The following CACNA1D variants were observed in gnomAD, a reference collection of about 807,000 sequenced individuals.
CACNA1D encodes the protein voltage-dependent L-type calcium channel subunit alpha-1D.
CACNA1D carries 55 observed loss-of-function variants against 257.1 expected under a neutral mutation model. The observed-to-expected ratio is 0.21, with a 90% CI of 0.17 to 0.27. The LOEUF (loss-of-function observed/expected upper bound fraction) is 0.27, where lower values mean the gene tolerates loss of function less well. Ranked by LOEUF, CACNA1D falls within the 10% of genes least tolerant of loss-of-function variation. The probability of loss-of-function intolerance (pLI) is 1.00; values close to 1 mark genes in which losing one functional copy is unlikely to be tolerated. For missense variants in CACNA1D, 1,876 were observed against 2,784.0 expected (o/e 0.67, Z 7.34); for synonymous variants, 980 against 1,014.9 (o/e 0.97, Z 0.65).
intron 7 of CACNA1D, among the ~76,000 whole-genome samples, chr3:53,668,882 G>C (rs555901961): frequency 6.6e-6 from 1 of 152,072 alleles, no homozygotes; most frequent in Non-Finnish European, 1.5e-5. Context: ...GAAATATTTT[G>C]CTTTTGATTT....
chr3:53,760,995 A>G lies in CACNA1D; in HGVS notation c.3787-1003A>G, dbSNP rs573467954. Among the ~76,000 whole-genome samples the G allele has an allele frequency of 3.9e-5, 6 of 152,342 alleles. 1 individual carries two copies. The highest frequency in any genetic ancestry group is 6.8e-3 in the Middle Eastern group (2 of 294). ...TCAGCCATCAGTACGTAAGAGATTC[A>G]GCGTCAGCCTGAGGGAGTGCAGACA... On this transcript the variant is annotated intron_variant, in intron 29 of 47. Coordinates refer to ENST00000350061, the MANE Select transcript of CACNA1D (RefSeq NM_001128840.3).
chr3:53,800,634 G>A lies in CACNA1D; in HGVS notation c.5040+269G>A. 1 of 530,602 alleles carries A rather than the reference G, an allele frequency of 1.9e-6. No individual in the cohort carries two copies. The allele number at this position is 530,602 out of a possible 1,614,324, so 32.9% of individuals were successfully genotyped here. A position where few individuals can be genotyped will look rare whatever the true frequency, so the allele number is the denominator to read the frequency against. ...GAGCTCGGCCACAGCCGCTGGCCCT[G>A]TGGATGAGCATCCTGAGTCCTTCCG... On this transcript the variant is annotated intron_variant, in intron 41 of 47. Coordinates refer to ENST00000350061, the MANE Select transcript of CACNA1D (RefSeq NM_001128840.3). The surrounding 1 kb of genome is among the most constrained non-coding windows in gnomAD (Gnocchi z 4.3).
At chr3:53,781,469 T>A (rs1255280202) in intron 38 of CACNA1D, 97 bp from the exon 39 acceptor site, 26 of 808,132 alleles carry the variant, frequency 3.2e-5, no homozygotes, top group African/African-American at 5.0e-5. Context: ...GGGCAGCATG[T>A]TCATCCAGGT....
intron 3 of CACNA1D, among the ~76,000 whole-genome samples, chr3:53,510,610 C>T (rs994744481): frequency 8.5e-5 from 13 of 152,152 alleles, no homozygotes; most frequent in Admixed American, 5.2e-4. Context: ...AGGGTATGTG[C>T]GTTTTTAATA....
At chr3:53,666,259 C>A (rs1330525647) in intron 6 of CACNA1D, 80 bp from the exon 7 acceptor site, 2 of 1,364,622 alleles carry the variant, frequency 1.5e-6, no homozygotes, top group African/African-American at 1.4e-5. Flanking sequence ...CGGGCTCTGG[C>A]AAGGGTTCTC....
intron 3 of CACNA1D, among the ~76,000 whole-genome samples, chr3:53,532,109 T>G (rs1301041903): frequency 6.6e-6 from 1 of 152,202 alleles, no homozygotes; most frequent in Non-Finnish European, 1.5e-5. Context: ...GTATGCCTAT[T>G]TCTACTGAAT....
chr3:53,538,984 T>C (rs954320173), intron 3 of CACNA1D, among the ~76,000 whole-genome samples: 3 of 152,214 alleles, frequency 2.0e-5, no homozygotes, highest in African/African-American at 7.2e-5. Context: ...TCAGTGTTTA[T>C]GGTAATGACT....
At chr3:53,637,805 G>T (rs2093902764) in intron 3 of CACNA1D, among the ~76,000 whole-genome samples, 1 of 152,182 alleles carries the variant, frequency 6.6e-6, no homozygotes, top group South Asian at 2.1e-4. Flanking sequence ...CATTTCCATT[G>T]CAGGGCTGCA....
chr3:53,724,098 C>A, intron 14 of CACNA1D, 99 bp downstream of exon 14: 1 of 956,698 alleles, frequency 1.0e-6, no homozygotes, highest in South Asian at 1.3e-5. Context: ...AAAAGGACTC[C>A]ATTTTTGTTC....
intron 3 of CACNA1D, among the ~76,000 whole-genome samples, chr3:53,644,666 C>G (rs1458573151): frequency 1.3e-5 from 2 of 152,206 alleles, no homozygotes; most frequent in Non-Finnish European, 2.9e-5. Context: ...TTTTTAAAGG[C>G]TAAATAGTAT....
At chr3:53,725,401 C>T (rs1315706744) in intron 14 of CACNA1D, among the ~76,000 whole-genome samples, 1 of 152,194 alleles carries the variant, frequency 6.6e-6, no homozygotes, top group Non-Finnish European at 1.5e-5. Flanking sequence ...ATACACAGGG[C>T]TCCAGTAGGT....
At chr3:53,517,590 T>C (rs936812599) in intron 3 of CACNA1D, among the ~76,000 whole-genome samples, 2 of 151,956 alleles carry the variant, frequency 1.3e-5, no homozygotes, top group African/African-American at 4.8e-5. Flanking sequence ...TTCAAGCGAT[T>C]CTTCTGCCTC....
At chr3:53,719,076 C>G (rs532991990) in intron 10 of CACNA1D, among the ~76,000 whole-genome samples, 1 of 152,038 alleles carries the variant, frequency 6.6e-6, no homozygotes, top group African/African-American at 2.4e-5. Context: ...CACTGTCTGC[C>G]GTGGGGGAGC....
chr3:53,604,668 G>A (rs1444663656), intron 3 of CACNA1D, among the ~76,000 whole-genome samples: 1 of 152,146 alleles, frequency 6.6e-6, no homozygotes, highest in Non-Finnish European at 1.5e-5. Context: ...ATGAAATGGT[G>A]GATATGAAAG....
intron 38 of CACNA1D, among the ~76,000 whole-genome samples, chr3:53,781,332 G>C (rs1487392929): frequency 1.3e-5 from 2 of 152,162 alleles, no homozygotes; most frequent in Non-Finnish European, 2.9e-5. Flanking sequence ...TGAATCCCAG[G>C]GTGAACCGTG....
intron 3 of CACNA1D, among the ~76,000 whole-genome samples, chr3:53,552,687 C>G (rs561219419): frequency 3.9e-4 from 59 of 152,246 alleles, no homozygotes; most frequent in African/African-American, 1.4e-3. Context: ...TTGATTTCTC[C>G]TGGTATCTTC....
At chr3:53,707,496 G>T (rs2094703097) in intron 9 of CACNA1D, among the ~76,000 whole-genome samples, 1 of 152,168 alleles carries the variant, frequency 6.6e-6, no homozygotes, top group African/African-American at 2.4e-5. Flanking sequence ...TGCATTCATA[G>T]AATATTTAAA....
At chr3:53,720,894 C>T (rs1048558434) in intron 11 of CACNA1D, among the ~76,000 whole-genome samples, 3 of 152,204 alleles carry the variant, frequency 2.0e-5, no homozygotes, top group African/African-American at 7.2e-5. Flanking sequence ...CCAGCCATCC[C>T]ACTTCTAAGG....
At chr3:53,778,928 C>T (rs375976203) in intron 37 of CACNA1D, among the ~76,000 whole-genome samples, 67 of 152,364 alleles carry the variant, frequency 4.4e-4, no homozygotes, top group South Asian at 2.5e-3. Flanking sequence ...TGGATCCCGT[C>T]GGTTGAGAAC....
Sources: allele counts gnomAD v4.1 joint callset (sites outside exome capture counted in the v4.1 genomes callset), GRCh38; gene constraint gnomAD v4.1.1; non-coding constraint Gnocchi (gnomAD v3.1); transcripts MANE v1.5; gene names NCBI Gene and HGNC (gene_info 2026-07-23, HGNC 2026-07-21).